CSMD2: variants seen among roughly 807,000 people sequenced by gnomAD.
The protein encoded by CSMD2 is CUB and sushi domain-containing protein 2.
In CSMD2, 130 loss-of-function variants were observed where a neutral mutation model predicts 398.5. The observed-to-expected ratio is 0.33, with a 90% CI of 0.28 to 0.38. The LOEUF is 0.38. Among genes scored for constraint, CSMD2 ranks in the 10% least tolerant of loss-of-function variants. The pLI, the probability that CSMD2 is intolerant of heterozygous loss-of-function variation, is 1.00. For synonymous variants in CSMD2, 1,828 were observed against 1,908.5 expected (o/e 0.96, Z 1.10); for missense variants, 3,829 against 4,764.9 (o/e 0.80, Z 5.78).
intron 23 of CSMD2, 94 bp from the exon 24 acceptor site, chr1:33,699,038 T>G: frequency 9.1e-7 from 1 of 1,098,364 alleles, no homozygotes; most frequent in Non-Finnish European, 1.3e-6. Flanking sequence ...TCAAGGAAGC[T>G]GTCTCAGCCA....
At chr1:33,571,974 T>C (rs890568126) in intron 50 of CSMD2, among the ~76,000 whole-genome samples, 5 of 152,222 alleles carry the variant, frequency 3.3e-5, no homozygotes, top group African/African-American at 1.2e-4. Flanking sequence ...AGGTTGACTA[T>C]TGAATGTTTG....
intron 6 of CSMD2, among the ~76,000 whole-genome samples, chr1:33,843,673 G>A (rs1661077153): frequency 6.6e-6 from 1 of 152,170 alleles, no homozygotes; most frequent in Non-Finnish European, 1.5e-5. Context: ...GAGATCCCAG[G>A]GCAGGGAGCA....
chr1:33,561,562 A>T (rs1658545698), intron 53 of CSMD2, among the ~76,000 whole-genome samples: 1 of 152,204 alleles, frequency 6.6e-6, no homozygotes, highest in Non-Finnish European at 1.5e-5. Flanking sequence ...GAAGAATATA[A>T]AATGTTCTCT....
At chr1:33,886,746 T>G (rs1641625149) in intron 5 of CSMD2, among the ~76,000 whole-genome samples, 2 of 152,212 alleles carry the variant, frequency 1.3e-5, no homozygotes, top group Non-Finnish European at 1.5e-5. Flanking sequence ...AGGCCTCGGC[T>G]AAGGGACAGA....
intron 13 of CSMD2, among the ~76,000 whole-genome samples, chr1:33,764,653 G>A (rs1014511375): frequency 2.0e-5 from 3 of 152,216 alleles, no homozygotes; most frequent in African/African-American, 4.8e-5. Context: ...AGCTCACACC[G>A]ATCACGGTCC....
intron 25 of CSMD2, among the ~76,000 whole-genome samples, chr1:33,689,929 A>G (rs1417609886): frequency 2.0e-5 from 3 of 152,218 alleles, no homozygotes; most frequent in Admixed American, 1.3e-4. Context: ...TGTCACAAAC[A>G]GTAGTTGAGA....
intron 65 of CSMD2, among the ~76,000 whole-genome samples, chr1:33,525,457 A>G (rs899275824): frequency 5.9e-5 from 9 of 152,222 alleles, no homozygotes; most frequent in African/African-American, 2.2e-4. Flanking sequence ...GCACACAAAG[A>G]TAAATATCAT....
chr1:33,726,832 T>A, intron 15 of CSMD2, 147 bp from the exon 16 acceptor site: 1 of 864,890 alleles, frequency 1.2e-6, no homozygotes, highest in Non-Finnish European at 1.7e-6. Context: ...GAGTTTTGTC[T>A]ACTGGGACCT....
intron 5 of CSMD2, among the ~76,000 whole-genome samples, chr1:33,914,886 T>TG (rs1262907590): frequency 6.6e-6 from 1 of 152,232 alleles, no homozygotes; most frequent in East Asian, 1.9e-4. Flanking sequence ...TCTGAGGAGT[T>TG]GGCAGGTTTT....
At chr1:33,981,488 T>C (rs1318819349) in intron 3 of CSMD2, among the ~76,000 whole-genome samples, 2 of 152,354 alleles carry the variant, frequency 1.3e-5, no homozygotes, top group East Asian at 3.9e-4. Context: ...ATCTGACTTG[T>C]GCTAGGGGCT....
At chr1:34,090,169 G>T (rs1658387806) in intron 1 of CSMD2, among the ~76,000 whole-genome samples, 1 of 152,188 alleles carries the variant, frequency 6.6e-6, no homozygotes, top group Non-Finnish European at 1.5e-5. Context: ...ACCTCACTGT[G>T]CACACGCATC....
chr1:33,988,128 T>A (rs1308612553), intron 3 of CSMD2, among the ~76,000 whole-genome samples: 2 of 152,154 alleles, frequency 1.3e-5, no homozygotes, highest in African/African-American at 4.8e-5. Flanking sequence ...CTCCCCAGAG[T>A]CTAGCGCAGT....
At chr1:33,623,312 C>T (rs1641892007) in intron 36 of CSMD2, 58 bp downstream of exon 36, 3 of 1,075,362 alleles carry the variant, frequency 2.8e-6, no homozygotes, top group Non-Finnish European at 4.3e-6. Context: ...TAACAATGTT[C>T]ATGATGATGA....
chr1:33,645,638 C>T (rs1309617382), intron 29 of CSMD2, among the ~76,000 whole-genome samples: 1 of 152,202 alleles, frequency 6.6e-6, no homozygotes, highest in Non-Finnish European at 1.5e-5. Context: ...CCTCTTACTA[C>T]TACTAATGAT....
chr1:34,076,247 T>G (rs1656314324), intron 2 of CSMD2, among the ~76,000 whole-genome samples: 1 of 152,218 alleles, frequency 6.6e-6, no homozygotes, highest in Non-Finnish European at 1.5e-5. Flanking sequence ...CCCATTTTGC[T>G]GAGAAGGAAA....
intron 44 of CSMD2, among the ~76,000 whole-genome samples, chr1:33,587,967 C>A (rs1159517899): frequency 6.6e-6 from 1 of 152,098 alleles, no homozygotes; most frequent in East Asian, 1.9e-4. Flanking sequence ...AAAAAGTGTT[C>A]TTTAATAAAT....
intron 3 of CSMD2, among the ~76,000 whole-genome samples, chr1:33,942,433 A>G (rs1253655623): frequency 6.6e-6 from 1 of 152,224 alleles, no homozygotes; most frequent in East Asian, 1.9e-4. Flanking sequence ...CTGTCAATCA[A>G]ATAGAGGCAG....
chr1:33,531,312 G>T (rs1655211082), intron 64 of CSMD2, among the ~76,000 whole-genome samples: 1 of 152,268 alleles, frequency 6.6e-6, no homozygotes, highest in Non-Finnish European at 1.5e-5. Flanking sequence ...TATACCCACT[G>T]ATCATGGATA....
intron 3 of CSMD2, among the ~76,000 whole-genome samples, chr1:33,989,162 A>G (rs1646468391): frequency 6.6e-6 from 1 of 150,846 alleles, no homozygotes; most frequent in African/African-American, 2.4e-5. Context: ...CACTAATAAG[A>G]CAAATAATTC....
Sources: allele counts gnomAD v4.1 joint callset (sites outside exome capture counted in the v4.1 genomes callset), GRCh38; gene constraint gnomAD v4.1.1; transcripts MANE v1.5; gene names NCBI Gene and HGNC (gene_info 2026-07-23, HGNC 2026-07-21).